Variants in STRIP2 observed in about 807,000 individuals in gnomAD.
STRIP2 encodes striatin-interacting protein 2.
A neutral mutation model predicts 107.1 loss-of-function variants in STRIP2; 84 were observed. That is an observed-to-expected ratio of 0.78 (90% CI 0.66 to 0.94). The LOEUF is 0.94. Ranked by LOEUF, STRIP2 falls within the 40% of genes least tolerant of loss-of-function variation. STRIP2 has a pLI of 0.00. For missense variants in STRIP2, 888 were observed against 1,034.2 expected (o/e 0.86, Z 1.94); for synonymous variants, 394 against 400.4 (o/e 0.98, Z 0.19).
intron 16 of STRIP2, among the ~76,000 whole-genome samples, chr7:129,466,756 T>C (rs1798679457): frequency 6.6e-6 from 1 of 152,218 alleles, no homozygotes; most frequent in African/African-American, 2.4e-5. Flanking sequence ...TGAAGGGCTC[T>C]TGTTCATTCA....
chr7:129,458,299 G>T lies in STRIP2; in HGVS notation c.1123G>T (p.Glu375Ter), dbSNP rs752968786. The T allele has an allele frequency of 2.5e-6, 4 of 1,614,222 alleles. No individual in the cohort carries two copies. The highest frequency in any genetic ancestry group is 1.3e-5 in the African/African-American group (1 of 75,062). Residue 375 changes from glutamate (E) to a stop codon, truncating the protein, a stop_gained, in exon 10 of 21, where the codon GAG (glutamate) becomes TAG (stop). Coordinates refer to ENST00000249344, the MANE Select transcript of STRIP2 (RefSeq NM_020704.3). LOFTEE classifies it high-confidence loss of function. This position sits in a 1 kb window ranked among gnomAD's most constrained non-coding sequence, Gnocchi z 4.6. ...TGAGGAGCCCGCCACAGAGGAGGAA[G>T]AGGAGTCTGCTGGTGATGGAGAACG... is the stretch of plus-strand genomic sequence containing the variant. The part of the protein sequence containing the change: ...KTEEPATEEE[E>*]ESAGDGERTL...
intron 19 of STRIP2, 123 bp from the exon 20 acceptor site, chr7:129,482,719 A>C: frequency 8.9e-7 from 1 of 1,118,500 alleles, no homozygotes; most frequent in Non-Finnish European, 1.3e-6. Flanking sequence ...TAGAGCCTGG[A>C]CCATAGATTC....
In STRIP2 at chr7:129,451,882, C is replaced by T. The variant is rs1207546108; in HGVS notation, c.409+135C>T. ...TCTCAAGGACAGATCTTGTCATGTGCTAGGAGTAACCTGTGCTTATGAGGA... is the reference window on the plus strand; with the variant it reads ...TCTCAAGGACAGATCTTGTCATGTGTTAGGAGTAACCTGTGCTTATGAGGA... On this transcript the variant is annotated intron_variant, in intron 4 of 20. Coordinates refer to ENST00000249344, the MANE Select transcript of STRIP2 (RefSeq NM_020704.3). The T allele has an allele frequency of 2.9e-6, 3 of 1,028,352 alleles. No individual in the cohort carries two copies. The East Asian group carries it at 7.4e-5, about 25-fold the overall frequency. The allele number at this position is 1,028,352 out of a possible 1,614,324, so 63.7% of individuals were successfully genotyped here.
chr7:129,451,480 T>G, intron 3 of STRIP2, 133 bp from the exon 4 acceptor site: 1 of 1,224,328 alleles, frequency 8.2e-7, no homozygotes, highest in Non-Finnish European at 1.1e-6. Context: ...TCTTTCTCAG[T>G]GAAATAAGGA....
chr7:129,485,397 G>A (rs1316596318), intron 20 of STRIP2, among the ~76,000 whole-genome samples, 182 bp from the exon 21 acceptor site: 3 of 131,430 alleles, frequency 2.3e-5, no homozygotes, highest in African/African-American at 5.7e-5. Context: ...GGGCATATGT[G>A]TATTTTTTAA....
rs1798282513 is a variant in STRIP2, at chr7:129,454,406, C to A, written c.600-15C>A. 1 of 1,605,378 alleles carries A rather than the reference C, an allele frequency of 6.2e-7. No homozygotes were observed. Among genetic ancestry groups the A allele is most frequent in the African/African-American group, 1.3e-5 (1 of 74,694 alleles). Reference sequence around the variant, plus strand: ...ATTGCCTTGGGAACCTCTTGTGACTCTTCTGTAACCCCAGGGTGCTGCTGA... The same window carrying A: ...ATTGCCTTGGGAACCTCTTGTGACTATTCTGTAACCCCAGGGTGCTGCTGA... On this transcript the variant is annotated splice_polypyrimidine_tract_variant and intron_variant, in intron 6 of 20. Transcript: ENST00000249344.
In STRIP2 at chr7:129,464,689, C is replaced by T; in HGVS notation, c.1727C>T (p.Thr576Ile). 1 of 1,614,108 alleles carries T rather than the reference C, an allele frequency of 6.2e-7. No individual in the cohort carries two copies. The highest frequency in any genetic ancestry group is 8.5e-7 in the Non-Finnish European group (1 of 1,180,008). Reference sequence around the variant, plus strand: ...GAGATTATTGTAAAGAGTATCTCTACCCTGCTTCTGCTACTCCTCAAACAC... The same window carrying T: ...GAGATTATTGTAAAGAGTATCTCTATCCTGCTTCTGCTACTCCTCAAACAC... Reference protein sequence around the residue: ...HKEIIVKSISTLLLLLLKHFK... With the variant: ...HKEIIVKSISILLLLLLKHFK... Residue 576 changes from threonine to isoleucine, a missense_variant, in exon 16 of 21, where the codon ACC becomes ATC. By Grantham distance (89) the Thr-to-Ile change is moderately conservative. Coordinates refer to ENST00000249344, the MANE Select transcript of STRIP2 (RefSeq NM_020704.3).
intron 3 of STRIP2, among the ~76,000 whole-genome samples, chr7:129,450,347 G>A (rs924410776): frequency 2.0e-5 from 3 of 152,116 alleles, no homozygotes; most frequent in Admixed American, 2.0e-4. Context: ...GGGATACAGG[G>A]TTCTCTGTAT....
chr7:129,466,120 T>C (rs1798665019), intron 16 of STRIP2, among the ~76,000 whole-genome samples: 1 of 152,098 alleles, frequency 6.6e-6, no homozygotes, highest in Admixed American at 6.5e-5. Context: ...GAACTGTAGA[T>C]GTGTGTTTAC....
Position 129,453,256 on chromosome 7 carries a change from G to T in STRIP2, c.439G>T (p.Asp147Tyr). ...GTFGECDSEV[D>Y]VLHWSRYNCF... The stretch of plus-strand genomic sequence containing the variant: ...TTTTGGGGAATGTGATTCAGAGGTC[G>T]ATGTGCTACACTGGTCCAGGTACAA... Residue 147 changes from aspartate to tyrosine, a missense_variant, in exon 5 of 21, where the codon GAT becomes TAT. Coordinates refer to ENST00000249344, the MANE Select transcript of STRIP2 (RefSeq NM_020704.3). 1 of 1,614,094 alleles carries T rather than the reference G, an allele frequency of 6.2e-7. No homozygotes were observed. The highest frequency in any genetic ancestry group is 8.5e-7 in the Non-Finnish European group (1 of 1,179,982).
Position 129,454,064 on chromosome 7 carries a change from T to C in STRIP2, c.531-78T>C, listed in dbSNP as rs1798270508. 4 of 1,333,546 alleles carry C rather than the reference T, an allele frequency of 3.0e-6. No individual in the cohort carries two copies. In the Admixed American group the frequency reaches 5.3e-5, roughly 18 times the overall value. 82.6% of individuals were successfully genotyped at this position (1,333,546 alleles called of 1,614,324 possible). On this transcript the variant is annotated intron_variant, in intron 5 of 20. Coordinates refer to ENST00000249344, the MANE Select transcript of STRIP2 (RefSeq NM_020704.3). The stretch of plus-strand genomic sequence containing the variant: ...AGCCAGGGAATGGCAAGCACTCATA[T>C]TTGTGTGAGTGATAAGTAAGAGCAC...
At chr7:129,437,489 A>C (rs1797772822) in intron 1 of STRIP2, among the ~76,000 whole-genome samples, 1 of 152,088 alleles carries the variant, frequency 6.6e-6, no homozygotes, top group South Asian at 2.1e-4. Context: ...CATCACATGC[A>C]GTAAAGGTAA....
At chr7:129,464,215 C>G in intron 15 of STRIP2, 74 bp downstream of exon 15, 1 of 1,072,982 alleles carries the variant, frequency 9.3e-7, no homozygotes, top group Non-Finnish European at 1.4e-6. Context: ...CCCCACTCAC[C>G]TTGTTAACAC....
intron 18 of STRIP2, among the ~76,000 whole-genome samples, chr7:129,474,427 A>G (rs958485831): frequency 8.5e-5 from 13 of 152,198 alleles, no homozygotes; most frequent in African/African-American, 3.1e-4. Flanking sequence ...TTGGCCTCTC[A>G]AAGTGCTGGG....
intron 20 of STRIP2, 122 bp from the exon 21 acceptor site, chr7:129,485,453 TACAA>T: frequency 1.3e-6 from 1 of 767,696 alleles, no homozygotes; most frequent in Non-Finnish European, 1.8e-6. Flanking sequence ...CATTGCTCTT[TACAA>T]AAAAAAAAAA....
Position 129,454,281 on chromosome 7 carries a change from C to G in STRIP2, c.599+71C>G, listed in dbSNP as rs1584946491. On this transcript the variant is annotated intron_variant, in intron 6 of 20. Coordinates refer to ENST00000249344, the MANE Select transcript of STRIP2 (RefSeq NM_020704.3). The stretch of plus-strand genomic sequence containing the variant: ...ACCTGGGTTACCTTTTCCCCAAATC[C>G]CAGATGACTCAGACCATTAGGAAGT... The G allele has an allele frequency of 1.9e-6, 3 of 1,548,370 alleles. No homozygotes were observed. The African/African-American group carries it at 4.1e-5, about 21-fold the overall frequency.
intron 13 of STRIP2, chr7:129,460,613 A>G (rs1584953398): frequency 2.0e-6 from 1 of 500,330 alleles, no homozygotes; most frequent in South Asian, 2.1e-5. Flanking sequence ...ACAGGATGAC[A>G]TGAAAGAAGC....
chr7:129,473,588 T>TCC (rs1798844150), intron 18 of STRIP2, among the ~76,000 whole-genome samples: 1 of 152,222 alleles, frequency 6.6e-6, no homozygotes, highest in South Asian at 2.1e-4. Context: ...CAAGCTGATC[T>TCC]TGAACTCCTG....
At chr7:129,464,468 T>C in intron 15 of STRIP2, 144 bp from the exon 16 acceptor site, 1 of 834,624 alleles carries the variant, frequency 1.2e-6, no homozygotes, top group Non-Finnish European at 1.9e-6. Context: ...AAGTGGGAAC[T>C]CTGGAGGTTT....
Sources: gnomAD v4.1 joint callset for allele counts (sites outside exome capture counted in the v4.1 genomes callset) on GRCh38, gnomAD v4.1.1 for gene constraint, Gnocchi (gnomAD v3.1) non-coding constraint, MANE v1.5 for transcripts, NCBI Gene and HGNC (gene_info 2026-07-23, HGNC 2026-07-21) for gene names.